ANAPC10: variants seen among roughly 807,000 people sequenced by gnomAD.
ANAPC10 encodes the protein anaphase-promoting complex subunit 10.
ANAPC10 carries 12 observed loss-of-function variants against 22.0 expected under a neutral mutation model. The observed-to-expected ratio is 0.55, with a 90% CI of 0.35 to 0.88. The LOEUF is 0.88. Ranked by LOEUF, ANAPC10 falls within the 40% of genes least tolerant of loss-of-function variation. The pLI is 0.01. For synonymous variants in ANAPC10, 65 were observed against 69.5 expected (o/e 0.94, Z 0.32); for missense variants, 188 against 220.9 (o/e 0.85, Z 0.94).
chr4:145,014,001 C>T (rs911177746), intron 4 of ANAPC10, among the ~76,000 whole-genome samples: 6 of 152,038 alleles, frequency 3.9e-5, no homozygotes, highest in Non-Finnish European at 8.8e-5. Flanking sequence ...GGGCGGCCAG[C>T]GGTGCGGAGA....
intron 4 of ANAPC10, among the ~76,000 whole-genome samples, chr4:145,054,325 G>T (rs1267356945): frequency 8.7e-5 from 13 of 149,586 alleles, no homozygotes; most frequent in Non-Finnish European, 1.8e-4. Context: ...GCCGAGGAGG[G>T]CAGATCATGA....
At chr4:145,039,805 A>G (rs1470897976) in intron 4 of ANAPC10, among the ~76,000 whole-genome samples, 1 of 152,104 alleles carries the variant, frequency 6.6e-6, no homozygotes, top group East Asian at 1.9e-4. Context: ...CATGTTGGCC[A>G]GGATGGTCTC....
intron 4 of ANAPC10, among the ~76,000 whole-genome samples, chr4:145,007,545 A>G (rs1314960574): frequency 1.3e-5 from 2 of 152,186 alleles, no homozygotes; most frequent in Non-Finnish European, 2.9e-5. Context: ...GCTCAACTAC[A>G]GGGAAACTGA....
At chr4:144,996,969 A>C (rs1198017601) in intron 4 of ANAPC10, among the ~76,000 whole-genome samples, 1 of 152,202 alleles carries the variant, frequency 6.6e-6, no homozygotes, top group Non-Finnish European at 1.5e-5. Flanking sequence ...GATTCGATCA[A>C]GTGGAAGAAA....
At chr4:145,057,101 A>C (rs952976393) in intron 4 of ANAPC10, among the ~76,000 whole-genome samples, 5 of 152,216 alleles carry the variant, frequency 3.3e-5, no homozygotes, top group Non-Finnish European at 1.5e-5. Flanking sequence ...AGAACCTTCC[A>C]AATCAACACA....
intron 4 of ANAPC10, among the ~76,000 whole-genome samples, chr4:145,032,110 A>G (rs1737675028): frequency 6.6e-6 from 1 of 152,090 alleles, no homozygotes. Context: ...GGAGTTTCCT[A>G]TGATCAACTG....
At chr4:145,039,599 C>CT (rs535619167) in intron 4 of ANAPC10, among the ~76,000 whole-genome samples, 96 of 148,742 alleles carry the variant, frequency 6.5e-4, no homozygotes, top group African/African-American at 1.5e-3. Flanking sequence ...GAGGTATACT[C>CT]TTTTTTTTTT....
chr4:145,014,895 T>C (rs182708675), intron 4 of ANAPC10, among the ~76,000 whole-genome samples: 1 of 152,202 alleles, frequency 6.6e-6, no homozygotes, highest in Non-Finnish European at 1.5e-5. Flanking sequence ...GGGAGAGTGC[T>C]ACATCAAGGG....
At chr4:145,088,829 C>G (rs765712856) in intron 2 of ANAPC10, among the ~76,000 whole-genome samples, 9 of 152,132 alleles carry the variant, frequency 5.9e-5, no homozygotes, top group Non-Finnish European at 1.3e-4. Context: ...TCAGGGCCTA[C>G]AAGAGTTCAT....
chr4:145,076,907 A>G (rs1052022783), intron 3 of ANAPC10, among the ~76,000 whole-genome samples: 1 of 152,206 alleles, frequency 6.6e-6, no homozygotes, highest in East Asian at 1.9e-4. Context: ...AGACAAAAAT[A>G]AAAAAGAATT....
intron 3 of ANAPC10, among the ~76,000 whole-genome samples, chr4:145,068,131 G>A (rs749729135): frequency 2.6e-5 from 4 of 152,184 alleles, no homozygotes; most frequent in Non-Finnish European, 5.9e-5. Context: ...CTCCTGGACT[G>A]CCAGGCTCCT....
At chr4:144,996,801 G>A (rs868631172) in intron 4 of ANAPC10, among the ~76,000 whole-genome samples, 1 of 152,136 alleles carries the variant, frequency 6.6e-6, no homozygotes, top group Non-Finnish European at 1.5e-5. Context: ...AGCTAAAGGA[G>A]GATATTCGAA....
intron 4 of ANAPC10, among the ~76,000 whole-genome samples, chr4:145,021,029 C>T (rs1735895270): frequency 6.6e-6 from 1 of 151,228 alleles, no homozygotes; most frequent in Non-Finnish European, 1.5e-5. Flanking sequence ...CCACCAAAAG[C>T]AACCTACAAA....
At chr4:145,006,762 G>A (rs147256019) in intron 4 of ANAPC10, among the ~76,000 whole-genome samples, 173 of 152,034 alleles carry the variant, frequency 1.1e-3, no homozygotes, top group African/African-American at 4.1e-3. Context: ...CCTTTTTTCT[G>A]TCAGTATTTG....
intron 4 of ANAPC10, among the ~76,000 whole-genome samples, chr4:145,001,747 G>C (rs891157093): frequency 1.3e-5 from 2 of 152,100 alleles, no homozygotes; most frequent in African/African-American, 4.8e-5. Flanking sequence ...ATCCATTAGA[G>C]TTTCTCTATG....
In ANAPC10 at chr4:145,039,596, A is replaced by ACT. The variant is rs559431537; in HGVS notation, c.327+24974_327+24975dup. Reference sequence around the variant, plus strand: ...GCCTTGCAATAGCCCTATGAGGTATACTCTTTTTTTTTTGTTTGAAACACA... The same window carrying ACT: ...GCCTTGCAATAGCCCTATGAGGTATACTCTCTTTTTTTTTTGTTTGAAACACA... On this transcript the variant is annotated intron_variant, in intron 4 of 4. Transcript: ENST00000507656. 4.2e-3 allele frequency among the ~76,000 whole-genome samples: 636 copies of ACT among 151,054 alleles called. 3 individuals are homozygous for ACT. Among genetic ancestry groups the ACT allele is most frequent in the African/African-American group, 0.014 (586 of 41,150 alleles).
intron 3 of ANAPC10, among the ~76,000 whole-genome samples, chr4:145,078,305 A>T (rs1410970885): frequency 2.0e-5 from 3 of 152,186 alleles, no homozygotes. Flanking sequence ...ACACCTGGGA[A>T]TACAGCTAAC....
intron 1 of ANAPC10, chr4:145,097,580 C>T (rs773292468): frequency 7.9e-7 from 1 of 1,271,768 alleles, no homozygotes; most frequent in Non-Finnish European, 1.0e-6. Context: ...ACGGCAGACA[C>T]AACGGACTGT....
chr4:145,050,454 C>T (rs1245557131), intron 4 of ANAPC10, among the ~76,000 whole-genome samples: 1 of 152,216 alleles, frequency 6.6e-6, no homozygotes, highest in Non-Finnish European at 1.5e-5. Flanking sequence ...CTGCCTTCAA[C>T]TTGAAGTCAC....
Sources: allele counts gnomAD v4.1 joint callset (sites outside exome capture counted in the v4.1 genomes callset), GRCh38; gene constraint gnomAD v4.1.1; transcripts MANE v1.5; gene names NCBI Gene and HGNC (gene_info 2026-07-23, HGNC 2026-07-21).